Variants in PANX1 observed in about 807,000 individuals in gnomAD.
The protein encoded by PANX1 is pannexin-1.
Under a neutral mutation model 38.7 loss-of-function variants are expected in PANX1, and 30 were observed. The ratio of observed to expected loss-of-function variants is 0.78; its 90% CI spans 0.58 to 1.05. The LOEUF is 1.05. Ranked by LOEUF, PANX1 falls within the 50% of genes least tolerant of loss-of-function variation. The pLI is 0.00. For missense variants in PANX1, 551 were observed against 517.2 expected (o/e 1.07, Z -0.63); for synonymous variants, 230 against 212.2 (o/e 1.08, Z -0.73).
In PANX1 at chr11:94,129,526, G is replaced by A. The variant is rs760249250; in HGVS notation, c.181+33G>A. On this transcript the variant is annotated intron_variant, in intron 1 of 4. Transcript: ENST00000227638. ...TCGCCCAGGACGGAGGGGAGTGGCC[G>A]CCCCGGTCTGGCCCGGTGAGCTGCG... 8 of 1,568,874 alleles carry A rather than the reference G, an allele frequency of 5.1e-6. No individual in the cohort carries two copies. In the Admixed American group the frequency reaches 1.4e-4, roughly 27 times the overall value.
intron 1 of PANX1, among the ~76,000 whole-genome samples, chr11:94,141,883 G>A (rs930065389): frequency 6.6e-6 from 1 of 152,120 alleles, no homozygotes; most frequent in African/African-American, 2.4e-5. Flanking sequence ...ATTAGCGCTC[G>A]AAGCACTGGA....
At chr11:94,137,015 G>T (rs1294156042) in intron 1 of PANX1, among the ~76,000 whole-genome samples, 1 of 151,760 alleles carries the variant, frequency 6.6e-6, no homozygotes, top group Non-Finnish European at 1.5e-5. Context: ...GAGAATGGGG[G>T]GAGGTGCTAC....
chr11:94,137,214 G>C (rs557512475), intron 1 of PANX1, among the ~76,000 whole-genome samples: 1 of 152,272 alleles, frequency 6.6e-6, no homozygotes, highest in East Asian at 1.9e-4. Flanking sequence ...TGAGACAGGA[G>C]AATCGCTTGA....
intron 2 of PANX1, among the ~76,000 whole-genome samples, chr11:94,172,598 C>G (rs2134518711): frequency 6.6e-6 from 1 of 151,874 alleles, no homozygotes; most frequent in Middle Eastern, 3.4e-3. Flanking sequence ...TTATCTGTGG[C>G]TGCTTTTGCA....
intron 2 of PANX1, among the ~76,000 whole-genome samples, chr11:94,176,851 C>A (rs1181577663): frequency 1.3e-5 from 2 of 151,624 alleles, no homozygotes; most frequent in Non-Finnish European, 2.9e-5. Context: ...GCTTTGTGAT[C>A]TGGGGCCAGA....
intron 2 of PANX1, among the ~76,000 whole-genome samples, chr11:94,163,280 T>A (rs1035914652): frequency 3.3e-5 from 5 of 152,244 alleles, no homozygotes; most frequent in Non-Finnish European, 5.9e-5. Context: ...ATGAAAGTGT[T>A]AGAAGTGGGC....
intron 2 of PANX1, among the ~76,000 whole-genome samples, chr11:94,159,935 T>C (rs550302069): frequency 2.6e-4 from 39 of 152,174 alleles, no homozygotes; most frequent in African/African-American, 9.2e-4. Flanking sequence ...GTGTCTTTGT[T>C]CTCGTTGGTT....
rs754450151 is a variant in PANX1, at chr11:94,178,448, A to T, written c.401A>T (p.His134Leu). The T allele has an allele frequency of 1.2e-6, 2 of 1,613,928 alleles. No homozygotes were observed. The highest frequency in any genetic ancestry group is 2.2e-5 in the South Asian group (2 of 91,076). The change falls in exon 3 of 5, where the codon CAT becomes CTT. Residue 134 changes from histidine to leucine, a missense_variant. Transcript: ENST00000227638. ...PLFWRFAAAP[H>L]ICSDLKFIME... ...TTCTGGCGTTTCGCAGCTGCTCCTCATATTTGCTCAGACTTGAAGTTTATC... is the reference window on the plus strand; with the variant it reads ...TTCTGGCGTTTCGCAGCTGCTCCTCTTATTTGCTCAGACTTGAAGTTTATC...
In PANX1 at chr11:94,129,447, G is replaced by A; in HGVS notation, c.135G>A (p.Leu45=). 2 of 1,613,640 alleles carry A rather than the reference G, an allele frequency of 1.2e-6. No individual in the cohort carries two copies. Among genetic ancestry groups the A allele is most frequent in the Non-Finnish European group, 1.7e-6 (2 of 1,179,702 alleles). ...TGGTCACGTGCATTGCGGTGGGGCTGCCCCTGCTGCTCATCTCGCTGGCCT... is the reference window on the plus strand; with the variant it reads ...TGGTCACGTGCATTGCGGTGGGGCTACCCCTGCTGCTCATCTCGCTGGCCT... The part of the protein sequence containing the change: ...DKMVTCIAVG[L]PLLLISLAFA... Residue 45 remains leucine (L), a synonymous_variant, in exon 1 of 5, where the codon CTG becomes CTA. Coordinates refer to ENST00000227638, the MANE Select transcript of PANX1 (RefSeq NM_015368.4).
In PANX1 at chr11:94,161,518, A is replaced by G. The variant is rs561935204; in HGVS notation, c.321+7888A>G. The stretch of plus-strand genomic sequence containing the variant: ...TTTCTTCCAGTTGATCAAATCGGCT[A>G]CTGAGGCTTGTGCATTTGTCAGGTA... On this transcript the variant is annotated intron_variant, in intron 2 of 4. Coordinates refer to ENST00000227638, the MANE Select transcript of PANX1 (RefSeq NM_015368.4). Among the ~76,000 whole-genome samples, 117 of 152,224 alleles carry G rather than the reference A, an allele frequency of 7.7e-4. 1 individual carries two copies. Among genetic ancestry groups the G allele is most frequent in the African/African-American group, 2.8e-3 (115 of 41,516 alleles).
chr11:94,178,292 A>G, intron 2 of PANX1, 77 bp from the exon 3 acceptor site: 2 of 1,090,006 alleles, frequency 1.8e-6, no homozygotes, highest in Non-Finnish European at 2.8e-6. Context: ...ATGTGAGAAA[A>G]TGAGAGCATC....
In PANX1 at chr11:94,180,163, C is replaced by T. The variant is rs1947288970; in HGVS notation, c.1107C>T (p.Asn369=). 4 of 1,613,890 alleles carry T rather than the reference C, an allele frequency of 2.5e-6. No homozygotes were observed. The East Asian group carries it at 8.9e-5, about 36-fold the overall frequency. The change falls in exon 4 of 5, where the codon AAC becomes AAT. Residue 369 remains asparagine (N), a synonymous_variant. Transcript: ENST00000227638. ...QGIDPMLLLT[N]LGMIKMDVVD... Reference sequence around the variant, plus strand: ...TCGACCCAATGCTACTCCTGACAAACCTTGGCATGATCAAGATGGATGTTG... The same window carrying T: ...TCGACCCAATGCTACTCCTGACAAATCTTGGCATGATCAAGATGGATGTTG...
At chr11:94,179,130 T>C (rs1947272240) in intron 3 of PANX1, among the ~76,000 whole-genome samples, 1 of 152,218 alleles carries the variant, frequency 6.6e-6, no homozygotes, top group Non-Finnish European at 1.5e-5. Context: ...CATTATCTCC[T>C]TTAACCCTCA....
chr11:94,141,970 C>T (rs1032789768), intron 1 of PANX1, among the ~76,000 whole-genome samples: 1 of 152,194 alleles, frequency 6.6e-6, no homozygotes, highest in Non-Finnish European at 1.5e-5. Context: ...GGCCCTTTGA[C>T]AGGTGACGAC....
rs35113473 is a variant in PANX1 at position 94,176,777 on chromosome 11, A to C, written c.322-1592A>C. On this transcript the variant is annotated intron_variant, in intron 2 of 4. Transcript: ENST00000227638. ...GGAGTAAAGTAATTGAGAGTGTGTT[A>C]GATTGGAAAAAGATGTCTCTGGGGT... is the stretch of plus-strand genomic sequence containing the variant. 2.6e-3 allele frequency among the ~76,000 whole-genome samples: 393 copies of C among 151,846 alleles called. 3 individuals carry two copies. The highest frequency in any genetic ancestry group is 4.4e-3 in the Non-Finnish European group (296 of 68,032).
intron 2 of PANX1, among the ~76,000 whole-genome samples, chr11:94,170,141 A>G (rs938978444): frequency 2.6e-5 from 4 of 151,718 alleles, no homozygotes; most frequent in Non-Finnish European, 5.9e-5. Context: ...TTGCGAAACC[A>G]TCGCCATTAC....
intron 1 of PANX1, among the ~76,000 whole-genome samples, chr11:94,130,282 G>A (rs1004789931): frequency 6.6e-6 from 1 of 152,206 alleles, no homozygotes; most frequent in African/African-American, 2.4e-5. Flanking sequence ...GACCCAGTGC[G>A]GCTGGACTTT....
At chr11:94,162,524 T>C (rs1229933509) in intron 2 of PANX1, among the ~76,000 whole-genome samples, 2 of 152,244 alleles carry the variant, frequency 1.3e-5, no homozygotes, top group African/African-American at 4.8e-5. Context: ...AGCCAGGCGC[T>C]GGATATAATC....
intron 2 of PANX1, among the ~76,000 whole-genome samples, chr11:94,159,803 C>A (rs1371537718): frequency 6.6e-6 from 1 of 151,670 alleles, no homozygotes; most frequent in East Asian, 1.9e-4. Context: ...TTCTCTAGTT[C>A]TTTTAATTGT....
Sources: allele counts gnomAD v4.1 joint callset (sites outside exome capture counted in the v4.1 genomes callset), GRCh38; gene constraint gnomAD v4.1.1; transcripts MANE v1.5; gene names NCBI Gene and HGNC (gene_info 2026-07-23, HGNC 2026-07-21).